Variants in SUPV3L1 observed in about 807,000 individuals in gnomAD.
The protein encoded by SUPV3L1 is ATP-dependent RNA helicase SUPV3L1, mitochondrial.
SUPV3L1 carries 35 observed loss-of-function variants against 70.0 expected under a neutral mutation model. The ratio of observed to expected loss-of-function variants is 0.50; its 90% CI spans 0.38 to 0.66. SUPV3L1 has a LOEUF of 0.66. SUPV3L1 is among the 30% of genes least tolerant of loss of function. The pLI is 0.00. For synonymous variants in SUPV3L1, 364 were observed against 341.9 expected (o/e 1.06, Z -0.71); for missense variants, 777 against 961.5 (o/e 0.81, Z 2.54).
chr10:69,192,648 A>T (rs1842428973), intron 6 of SUPV3L1: 1 of 152,200 alleles, frequency 6.6e-6, no homozygotes, highest in African/African-American at 2.4e-5. Context: ...AAGGATATTT[A>T]GGTTGTTTAA....
rs757676315 is a variant in SUPV3L1, at chr10:69,207,912, C to T, written c.1896C>T (p.His632=). The part of the protein sequence containing the change: ...IKDLMDLEAV[H]DVLDLYLWLS... ...ACCTCATGGATCTTGAAGCTGTCCA[C>T]GATGTCTTGGATCTTTACTTGTGGC... Residue 632 remains histidine, a synonymous_variant, in exon 14 of 15, where the codon CAC becomes CAT. Transcript: ENST00000359655. 10 of 1,613,992 alleles carry T rather than the reference C, an allele frequency of 6.2e-6. No homozygotes were observed. The highest frequency in any genetic ancestry group is 1.3e-5 in the African/African-American group (1 of 74,900).
Position 69,180,255 on chromosome 10 carries a change from C to A in SUPV3L1, c.-37C>A. ...GCGCGTCACTGTCCGCCGCCGTGTC[C>A]GCGGCTGCGCCAGACAGTGTAGAAC... On this transcript the variant is annotated 5_prime_UTR_variant, in exon 1 of 15. Transcript: ENST00000359655. 3.1e-6 allele frequency: 5 copies of A among 1,588,516 alleles called. No homozygotes were observed. Among genetic ancestry groups the A allele is most frequent in the Non-Finnish European group, 8.6e-7 (1 of 1,165,322 alleles).
In SUPV3L1 at chr10:69,180,492, G is replaced by A. The variant is rs757198037; in HGVS notation, c.201G>A (p.Leu67=). ...CAAACACGTCCTTGTTCGTGCCCCT[G>A]ACTGTGAAACCTCAGGGCCCCAGCG... The part of the protein sequence containing the change: ...KIPNTSLFVP[L]TVKPQGPSAD... The change falls in exon 1 of 15, where the codon CTG becomes CTA. Residue 67 remains leucine (L), a synonymous_variant. Transcript: ENST00000359655. The A allele has an allele frequency of 9.9e-6, 16 of 1,614,134 alleles. No homozygotes were observed. The highest frequency in any genetic ancestry group is 1.4e-5 in the Non-Finnish European group (16 of 1,180,056).
intron 1 of SUPV3L1, among the ~76,000 whole-genome samples, chr10:69,184,524 A>C (rs1314009288): frequency 6.6e-6 from 1 of 152,070 alleles, no homozygotes; most frequent in South Asian, 2.1e-4. Context: ...AACAAGAGTG[A>C]AACACTGTCT....
chr10:69,181,502 C>T (rs1202212547), intron 1 of SUPV3L1, among the ~76,000 whole-genome samples: 1 of 152,188 alleles, frequency 6.6e-6, no homozygotes, highest in Non-Finnish European at 1.5e-5. Flanking sequence ...TTGACATATT[C>T]TTCCAGTGTT....
intron 6 of SUPV3L1, among the ~76,000 whole-genome samples, chr10:69,193,537 C>T (rs1263026179): frequency 6.7e-6 from 1 of 148,588 alleles, no homozygotes; most frequent in Non-Finnish European, 1.5e-5. Flanking sequence ...TTATTGCAGT[C>T]GTGACCTCCT....
At chr10:69,200,237 G>T (rs1470196439) in intron 10 of SUPV3L1, 43 bp from the exon 11 acceptor site, 1 of 1,549,368 alleles carries the variant, frequency 6.5e-7, no homozygotes, top group African/African-American at 1.4e-5. Flanking sequence ...GTATTGGAGG[G>T]TTTTTCATAC....
intron 10 of SUPV3L1, 43 bp from the exon 11 acceptor site, chr10:69,200,237 G>A: frequency 1.3e-6 from 2 of 1,549,366 alleles, no homozygotes; most frequent in Non-Finnish European, 1.8e-6. Context: ...GTATTGGAGG[G>A]TTTTTCATAC....
intron 7 of SUPV3L1, among the ~76,000 whole-genome samples, chr10:69,196,479 C>T (rs948426284): frequency 2.7e-5 from 4 of 149,622 alleles, no homozygotes; most frequent in African/African-American, 4.9e-5. Context: ...CCAGCCTGGG[C>T]GACAGAGCAA....
chr10:69,200,441 A>AT lies in SUPV3L1; in HGVS notation c.1461dup (p.His488SerfsTer2). ...AAAGAAGGAGAGGTTACAACAATGA[A>AT]TCATGAAGATCTCAGTTTATTAAAG... On this transcript the variant is annotated frameshift_variant, in exon 11 of 15. Coordinates refer to ENST00000359655, the MANE Select transcript of SUPV3L1 (RefSeq NM_003171.5). LOFTEE classifies it high-confidence loss of function. 6.2e-7 allele frequency: 1 copy of AT among 1,614,098 alleles called. No homozygotes were observed. Among genetic ancestry groups the AT allele is most frequent in the Non-Finnish European group, 8.5e-7 (1 of 1,180,028 alleles).
chr10:69,186,359 CTT>C (rs1339087173), intron 2 of SUPV3L1, 82 bp from the exon 3 acceptor site: 36 of 780,722 alleles, frequency 4.6e-5, no homozygotes, highest in East Asian at 1.4e-4. Context: ...AAAAAAGACT[CTT>C]TGATGAGTTT....
chr10:69,185,504 CTTT>C (rs35590294), intron 1 of SUPV3L1, among the ~76,000 whole-genome samples: 1 of 139,498 alleles, frequency 7.2e-6, no homozygotes, highest in Non-Finnish European at 1.5e-5. Flanking sequence ...TCATTTTTCT[CTTT>C]TTTTTTTTTT....
chr10:69,193,049 T>C (rs920234956), intron 6 of SUPV3L1: 1 of 152,200 alleles, frequency 6.6e-6, no homozygotes. Flanking sequence ...TTCCTTATTA[T>C]GTAAGCAATC....
At chr10:69,189,646 C>CTTTTT (rs34718589) in intron 5 of SUPV3L1, among the ~76,000 whole-genome samples, 6 of 125,046 alleles carry the variant, frequency 4.8e-5, no homozygotes, top group Non-Finnish European at 6.5e-5. Flanking sequence ...GCTATCAATT[C>CTTTTT]TTTTTTTTTT....
intron 2 of SUPV3L1, 95 bp downstream of exon 2, chr10:69,186,159 T>A: frequency 8.9e-7 from 1 of 1,118,836 alleles, no homozygotes; most frequent in Non-Finnish European, 1.3e-6. Context: ...CTGGCTGTTG[T>A]AGTCTGGAGA....
Position 69,180,366 on chromosome 10 carries a change from C to T in SUPV3L1, c.75C>T (p.Cys25=), listed in dbSNP as rs750719255. Residue 25 remains cysteine (C), a synonymous_variant, in exon 1 of 15, where the codon TGC becomes TGT. Coordinates refer to ENST00000359655, the MANE Select transcript of SUPV3L1 (RefSeq NM_003171.5). The part of the protein sequence containing the change: ...GRQAGHRAAI[C]SALRPHFGPF... ...AGGCTGGCCACCGGGCAGCCATCTG[C>T]TCTGCCCTTCGTCCCCACTTTGGGC... 1.1e-5 allele frequency: 17 copies of T among 1,614,238 alleles called. No individual in the cohort carries two copies. The highest frequency in any genetic ancestry group is 1.4e-5 in the Non-Finnish European group (16 of 1,180,034).
intron 4 of SUPV3L1, 61 bp from the exon 5 acceptor site, chr10:69,189,206 G>A (rs1842318813): frequency 1.3e-6 from 2 of 1,528,580 alleles, no homozygotes. Flanking sequence ...TTCATTTGCT[G>A]TCTTTGCCAG....
At chr10:69,195,294 T>G (rs1842513775) in intron 7 of SUPV3L1, 29 bp downstream of exon 7, 13 of 1,563,848 alleles carry the variant, frequency 8.3e-6, no homozygotes, top group Non-Finnish European at 1.1e-5. Flanking sequence ...ATAAAACCCG[T>G]GCTTTATGAC....
chr10:69,207,696 C>T, intron 13 of SUPV3L1, 97 bp from the exon 14 acceptor site: 1 of 1,391,386 alleles, frequency 7.2e-7, no homozygotes, highest in Non-Finnish European at 9.6e-7. Flanking sequence ...AATACAACCA[C>T]AATGTTTTGT....
Sources: gnomAD v4.1 joint callset for allele counts (sites outside exome capture counted in the v4.1 genomes callset) on GRCh38, gnomAD v4.1.1 for gene constraint, MANE v1.5 for transcripts, NCBI Gene and HGNC (gene_info 2026-07-23, HGNC 2026-07-21) for gene names.